TCF4: variants seen among roughly 807,000 people sequenced by gnomAD.
The protein encoded by TCF4 is transcription factor 4.
Under a neutral mutation model 82.1 loss-of-function variants are expected in TCF4, and 3 were observed. The ratio of observed to expected loss-of-function variants is 0.04; its 90% CI spans 0.02 to 0.09. The LOEUF (loss-of-function observed/expected upper bound fraction) is 0.09. Ranked by LOEUF, TCF4 falls within the 10% of genes least tolerant of loss-of-function variation. The probability of loss-of-function intolerance (pLI) is 1.00; values close to 1 mark genes in which losing one functional copy is unlikely to be tolerated. For synonymous variants in TCF4, 276 were observed against 309.6 expected (o/e 0.89, Z 1.14); for missense variants, 518 against 852.7 (o/e 0.61, Z 4.89).
At chr18:55,496,625 G>A (rs1467400905) in intron 3 of TCF4, among the ~76,000 whole-genome samples, 1 of 151,884 alleles carries the variant, frequency 6.6e-6, no homozygotes, top group Admixed American at 6.6e-5. Context: ...TTTAACATGA[G>A]TTTTCTCCTC....
At chr18:55,263,545 G>A (rs759488628) in intron 11 of TCF4, among the ~76,000 whole-genome samples, 8 of 152,082 alleles carry the variant, frequency 5.3e-5, no homozygotes, top group Non-Finnish European at 1.2e-4. Flanking sequence ...AGGTTGCAGT[G>A]AGCCGAGATT....
intron 3 of TCF4, among the ~76,000 whole-genome samples, chr18:55,549,427 AG>A (rs1568373554): frequency 3.3e-5 from 5 of 152,190 alleles, no homozygotes; most frequent in African/African-American, 1.2e-4. Flanking sequence ...AATAACACTT[AG>A]CTGAAAACAA....
chr18:55,467,321 A>G (rs897585206), intron 3 of TCF4, among the ~76,000 whole-genome samples: 1 of 152,104 alleles, frequency 6.6e-6, no homozygotes, highest in Non-Finnish European at 1.5e-5. Flanking sequence ...CATTTCCTCA[A>G]TAACTATTCC....
chr18:55,232,334 T>A (rs553106085), intron 17 of TCF4, 175 bp downstream of exon 17: 1 of 677,028 alleles, frequency 1.5e-6, no homozygotes, highest in East Asian at 2.8e-5. Flanking sequence ...TAGGCTCCAA[T>A]AGAGTACAGG....
At chr18:55,320,148 A>G (rs1175354846) in intron 8 of TCF4, among the ~76,000 whole-genome samples, 4 of 152,120 alleles carry the variant, frequency 2.6e-5, no homozygotes, top group Non-Finnish European at 5.9e-5. Context: ...CAAAAGTCTT[A>G]TCTATATATG....
chr18:55,300,177 C>T (rs1272238787), intron 8 of TCF4, among the ~76,000 whole-genome samples: 1 of 152,064 alleles, frequency 6.6e-6, no homozygotes, highest in African/African-American at 2.4e-5. Context: ...CGATGTTTAA[C>T]AATCTGAACT....
chr18:55,433,507 G>A (rs972700609), intron 5 of TCF4, among the ~76,000 whole-genome samples: 1 of 152,226 alleles, frequency 6.6e-6, no homozygotes, highest in African/African-American at 2.4e-5. Flanking sequence ...TTACTTTGCT[G>A]TTATGTGGAC....
At chr18:55,574,925 A>T (rs182421325) in intron 3 of TCF4, among the ~76,000 whole-genome samples, 8 of 152,352 alleles carry the variant, frequency 5.3e-5, no homozygotes, top group African/African-American at 1.9e-4. Flanking sequence ...TGAAAAAATA[A>T]TAAGAACATG....
intron 2 of TCF4, among the ~76,000 whole-genome samples, chr18:55,603,085 T>A (rs1388771446): frequency 6.6e-6 from 1 of 152,210 alleles, no homozygotes; most frequent in East Asian, 1.9e-4. Context: ...TTTTACCAGC[T>A]TTGTGACCCT....
chr18:55,306,007 T>C (rs1033103706), intron 8 of TCF4, among the ~76,000 whole-genome samples: 1 of 152,152 alleles, frequency 6.6e-6, no homozygotes, highest in Non-Finnish European at 1.5e-5. Flanking sequence ...CCGACTCTAC[T>C]CCCAACAACC....
intron 3 of TCF4, among the ~76,000 whole-genome samples, chr18:55,485,100 A>G (rs1487421833): frequency 6.6e-6 from 1 of 152,204 alleles, no homozygotes; most frequent in Non-Finnish European, 1.5e-5. Context: ...ACATCAGTAG[A>G]CGACCACTTA....
intron 5 of TCF4, among the ~76,000 whole-genome samples, chr18:55,407,230 A>G (rs2094137324): frequency 6.6e-6 from 1 of 152,196 alleles, no homozygotes; most frequent in Non-Finnish European, 1.5e-5. Context: ...AATGGAGTAC[A>G]CGAAGGGCTG....
intron 8 of TCF4, among the ~76,000 whole-genome samples, chr18:55,310,899 T>C (rs898419544): frequency 4.6e-5 from 7 of 152,218 alleles, no homozygotes; most frequent in Non-Finnish European, 1.0e-4. Context: ...ATAGTTACAC[T>C]GATAGAGGGT....
chr18:55,285,278 C>A (rs753166095), intron 8 of TCF4, among the ~76,000 whole-genome samples: 6 of 152,160 alleles, frequency 3.9e-5, no homozygotes, highest in Non-Finnish European at 8.8e-5. Flanking sequence ...CAATTCCTTG[C>A]GAGGACATAA....
chr18:55,486,691 G>A (rs902928815), intron 3 of TCF4, among the ~76,000 whole-genome samples: 5 of 152,158 alleles, frequency 3.3e-5, no homozygotes, highest in Non-Finnish European at 5.9e-5. Context: ...GAGAACAGGT[G>A]AAATCGTAGA....
chr18:55,269,340 T>G, intron 11 of TCF4: 1 of 181,686 alleles, frequency 5.5e-6, no homozygotes, highest in Non-Finnish European at 1.2e-5. Flanking sequence ...AGTGTCACAT[T>G]CTCCAGGAGA....
intron 6 of TCF4, chr18:55,402,214 T>C: frequency 1.0e-6 from 1 of 985,428 alleles, no homozygotes; most frequent in Non-Finnish European, 1.2e-6. Context: ...TATGACTGAA[T>C]TGGTGGCTGG....
chr18:55,516,920 A>T (rs2096888203), intron 3 of TCF4, among the ~76,000 whole-genome samples: 1 of 152,166 alleles, frequency 6.6e-6, no homozygotes, highest in African/African-American at 2.4e-5. Flanking sequence ...GAGGAGGAAT[A>T]ACATCTGAAT....
rs1397216111 is a variant in TCF4 at position 55,223,768 on chromosome 18, C to CA, written c.*4266dup. ...AATGCTGCAGCTATGTGTACAGTCG[C>CA]AAAAAATTTCCCCGCTGCGACCTAC... On this transcript the variant is annotated 3_prime_UTR_variant, in exon 20 of 20. Transcript: ENST00000354452. The CA allele has an allele frequency of 2.7e-5, 4 of 146,742 alleles. No individual in the cohort carries two copies. The highest frequency in any genetic ancestry group is 1.5e-5 in the Non-Finnish European group (1 of 67,194). The allele number at this position is 146,742 out of a possible 1,614,324, so 9.1% of individuals were successfully genotyped here.
Sources: allele counts gnomAD v4.1 joint callset (sites outside exome capture counted in the v4.1 genomes callset), GRCh38; gene constraint gnomAD v4.1.1; transcripts MANE v1.5; gene names NCBI Gene and HGNC (gene_info 2026-07-23, HGNC 2026-07-21).